Variants in MYH14 observed in about 807,000 individuals in gnomAD.
The protein encoded by MYH14 is myosin-14.
Under a neutral mutation model 255.5 loss-of-function variants are expected in MYH14, and 123 were observed. That is an observed-to-expected ratio of 0.48 (90% CI 0.42 to 0.56). The LOEUF (loss-of-function observed/expected upper bound fraction) is 0.56. Ranked by LOEUF, MYH14 falls within the 20% of genes least tolerant of loss-of-function variation. The pLI, the probability that MYH14 is intolerant of heterozygous loss-of-function variation, is 0.00. For synonymous variants in MYH14, 1,095 were observed against 1,161.2 expected, an observed-to-expected ratio of 0.94 and a Z score of 1.16; for missense variants, 2,423 against 2,802.3, an observed-to-expected ratio of 0.86 and a Z score of 3.06.
chr19:50,272,517 C>T (rs1347137188), intron 26 of MYH14, 43 bp from the exon 27 acceptor site: 1 of 1,548,918 alleles, frequency 6.5e-7, no homozygotes, highest in Non-Finnish European at 8.7e-7. Context: ...GCTGAGTGTG[C>T]AGGCCTGGAG....
intron 27 of MYH14, 32 bp downstream of exon 27, chr19:50,272,763 C>A (rs767162667): frequency 6.5e-7 from 1 of 1,546,240 alleles, no homozygotes. Context: ...GTGGGGTAAG[C>A]AGCATGGGTG....
chr19:50,206,363 G>A (rs76618440), intron 1 of MYH14, among the ~76,000 whole-genome samples: 6,480 of 125,558 alleles, frequency 0.052, 186 homozygotes, highest in Non-Finnish European at 0.064. Flanking sequence ...CAAAAACTCC[G>A]AAACCCTTCC....
intron 23 of MYH14, among the ~76,000 whole-genome samples, 174 bp from the exon 24 acceptor site, chr19:50,267,987 T>A (rs1001356515): frequency 6.6e-6 from 1 of 151,990 alleles, no homozygotes; most frequent in Admixed American, 6.5e-5. Context: ...GGATGTGGGC[T>A]CATCCTGAGA....
rs727504564 is a variant in MYH14, at chr19:50,249,792, T to G, written c.1625T>G (p.Leu542Arg). The G allele has an allele frequency of 1.9e-5, 30 of 1,614,200 alleles. No homozygotes were observed. Among genetic ancestry groups the G allele is most frequent in the Non-Finnish European group, 2.5e-5 (30 of 1,180,034 alleles). ...ACCTTCCTCGACTTTGGCCTCGACC[T>G]GCAGCCCTGCATCGACCTCATCGAG... Reference protein sequence around the residue: ...PWTFLDFGLDLQPCIDLIERP... With the variant: ...PWTFLDFGLDRQPCIDLIERP... Residue 542 changes from leucine to arginine, a missense_variant, in exon 14 of 43, where the codon CTG (leucine) becomes CGG (arginine). This residue lies in a region of MYH14 where 672 missense variants were observed against 881.8 expected (regional missense o/e 0.76). Coordinates refer to ENST00000642316, the MANE Select transcript of MYH14 (RefSeq NM_001145809.2).
chr19:50,244,816 T>C lies in MYH14; in HGVS notation c.1210+479T>C, dbSNP rs565318254. Among the ~76,000 whole-genome samples, 5 of 152,180 alleles carry C rather than the reference T, an allele frequency of 3.3e-5. No individual in the cohort carries two copies. The South Asian group carries it at 1.0e-3, about 32-fold the overall frequency. On this transcript the variant is annotated intron_variant, in intron 11 of 42. Transcript: ENST00000642316. ...GCTTTTTGCTGAGTCTTTGCCAAAA[T>C]AACATCAACCACTCTTTTCCTGATT... is the stretch of plus-strand genomic sequence containing the variant.
intron 23 of MYH14, among the ~76,000 whole-genome samples, chr19:50,267,648 G>T (rs1321025598): frequency 4.1e-4 from 45 of 110,058 alleles, no homozygotes; most frequent in African/African-American, 1.7e-3. Context: ...TAATAATAAT[G>T]CTAGAACAAA....
chr19:50,293,707 C>G lies in MYH14; in HGVS notation c.5469+20C>G, dbSNP rs969552561. On this transcript the variant is annotated intron_variant, in intron 39 of 42. Coordinates refer to ENST00000642316, the MANE Select transcript of MYH14 (RefSeq NM_001145809.2). The surrounding 1 kb of genome is among the most constrained non-coding windows in gnomAD (Gnocchi z 4.1). Reference sequence around the variant, plus strand: ...CTGCAGGTGAGCGTGATTGACCGCCCCCACCAGCCTCAGTCCCCATTGACC... The same window carrying G: ...CTGCAGGTGAGCGTGATTGACCGCCGCCACCAGCCTCAGTCCCCATTGACC... The G allele has an allele frequency of 1.9e-6, 3 of 1,538,772 alleles. No homozygotes were observed. Among genetic ancestry groups the G allele is most frequent in the Non-Finnish European group, 2.6e-6 (3 of 1,141,682 alleles).
chr19:50,244,172 T>C, intron 10 of MYH14, 70 bp from the exon 11 acceptor site: 1 of 1,386,444 alleles, frequency 7.2e-7, no homozygotes, highest in Non-Finnish European at 1.0e-6. Context: ...AAGTTACATG[T>C]TTAAGGGGCC....
intron 10 of MYH14, among the ~76,000 whole-genome samples, chr19:50,233,294 C>A (rs375109548): frequency 6.6e-6 from 1 of 152,016 alleles, no homozygotes; most frequent in Non-Finnish European, 1.5e-5. Flanking sequence ...CTCAGCCTCC[C>A]GAGTAACTGG....
chr19:50,244,370 C>A, intron 11 of MYH14, 33 bp downstream of exon 11: 1 of 1,589,874 alleles, frequency 6.3e-7, no homozygotes, highest in South Asian at 1.1e-5. Context: ...CCACGACCTC[C>A]AGCCCCCGCC....
At chr19:50,254,355 G>A (rs2034513621) in intron 16 of MYH14, among the ~76,000 whole-genome samples, 1 of 152,184 alleles carries the variant, frequency 6.6e-6, no homozygotes, top group South Asian at 2.1e-4. Flanking sequence ...TTATTTTTAT[G>A]TCTCATATAG....
intron 2 of MYH14, among the ~76,000 whole-genome samples, chr19:50,213,350 G>A (rs931614043): frequency 7.2e-5 from 11 of 152,294 alleles, no homozygotes; most frequent in Non-Finnish European, 1.5e-4. Context: ...CCTCAGACTA[G>A]GGGGCAGGAT....
chr19:50,275,183 C>T (rs2035459040), intron 27 of MYH14, among the ~76,000 whole-genome samples: 1 of 152,162 alleles, frequency 6.6e-6, no homozygotes, highest in Non-Finnish European at 1.5e-5. Context: ...AGCAGGGGGC[C>T]AGGAGAGGAT....
At chr19:50,216,850 C>T (rs2032506550) in intron 2 of MYH14, among the ~76,000 whole-genome samples, 1 of 145,486 alleles carries the variant, frequency 6.9e-6, no homozygotes, top group Non-Finnish European at 1.5e-5. Flanking sequence ...CTCTGTTGCC[C>T]AGGCTGGAGT....
chr19:50,234,491 G>A (rs958128560), intron 10 of MYH14, among the ~76,000 whole-genome samples: 1 of 152,184 alleles, frequency 6.6e-6, no homozygotes, highest in African/African-American at 2.4e-5. Flanking sequence ...TGGAAATGGA[G>A]CGTAGCTTGG....
chr19:50,274,398 A>G (rs2035428909), intron 27 of MYH14, among the ~76,000 whole-genome samples: 1 of 152,060 alleles, frequency 6.6e-6, no homozygotes, highest in South Asian at 2.1e-4. Context: ...GGGTTCAAGC[A>G]ATTCTCCTGC....
chr19:50,209,041 A>ATT (rs2031998242), intron 1 of MYH14, among the ~76,000 whole-genome samples: 2 of 152,236 alleles, frequency 1.3e-5, no homozygotes, highest in East Asian at 3.9e-4. Flanking sequence ...TAATACATTT[A>ATT]TTTTTTAATT....
At chr19:50,223,205 G>A in intron 4 of MYH14, 42 bp from the exon 5 acceptor site, 1 of 1,607,684 alleles carries the variant, frequency 6.2e-7, no homozygotes, top group Non-Finnish European at 8.5e-7. Flanking sequence ...GCTTGCCTGA[G>A]GTCATTGCCA....
chr19:50,256,475 A>G, intron 17 of MYH14, among the ~76,000 whole-genome samples: 1 of 152,312 alleles, frequency 6.6e-6, no homozygotes, highest in East Asian at 1.9e-4. Flanking sequence ...AGGTTCAAGT[A>G]ATTCTCCTGC....
Sources: allele counts gnomAD v4.1 joint callset (sites outside exome capture counted in the v4.1 genomes callset), GRCh38; gene constraint gnomAD v4.1.1; regional missense constraint gnomAD v4.1.1; non-coding constraint Gnocchi (gnomAD v3.1); transcripts MANE v1.5; gene names NCBI Gene and HGNC (gene_info 2026-07-23, HGNC 2026-07-21).